Variants in PATL1 observed in about 807,000 individuals in gnomAD.
PATL1 encodes PAT1 homolog 1, processing body mRNA decay factor, also known as protein PAT1 homolog 1.
Under a neutral mutation model 100.6 loss-of-function variants are expected in PATL1, and 32 were observed. The ratio of observed to expected loss-of-function variants is 0.32; its 90% CI spans 0.24 to 0.43. The LOEUF (loss-of-function observed/expected upper bound fraction) is 0.43. Among genes scored for constraint, PATL1 ranks in the 20% least tolerant of loss-of-function variants. PATL1 has a pLI of 1.00. For missense variants in PATL1, 747 were observed against 949.9 expected (o/e 0.79, Z 2.81); for synonymous variants, 332 against 330.0 (o/e 1.01, Z -0.07).
At chr11:59,645,046 A>G (rs548006169) in intron 15 of PATL1, among the ~76,000 whole-genome samples, 16 of 140,442 alleles carry the variant, frequency 1.1e-4, no homozygotes, top group Middle Eastern at 3.6e-3. Context: ...TTTTTAATCC[A>G]TTCAACCCTG....
At chr11:59,638,503 C>G in intron 18 of PATL1, 92 bp from the exon 19 acceptor site, 6 of 1,185,320 alleles carry the variant, frequency 5.1e-6, no homozygotes, top group Non-Finnish European at 7.4e-6. Flanking sequence ...TGTAAGACTT[C>G]TCATAACAAA....
rs147151154 is a variant in PATL1, at chr11:59,664,019, C to T, written c.127+2834G>A. 1.0e-3 allele frequency among the ~76,000 whole-genome samples: 154 copies of T among 152,280 alleles called. 2 individuals are homozygous for T. Among genetic ancestry groups the T allele is most frequent in the African/African-American group, 3.0e-3 (126 of 41,554 alleles). On this transcript the variant is annotated intron_variant, in intron 2 of 18. Transcript: ENST00000300146. Reference sequence around the variant, plus strand: ...AGATCTTCACTTTACAATTCCAGTACATTACACTCTCAAGGGAAAGGGCTC... The same window carrying T: ...AGATCTTCACTTTACAATTCCAGTATATTACACTCTCAAGGGAAAGGGCTC...
At chr11:59,659,068 G>A in intron 3 of PATL1, 122 bp from the exon 4 acceptor site, 1 of 1,032,254 alleles carries the variant, frequency 9.7e-7, no homozygotes, top group Non-Finnish European at 1.4e-6. Flanking sequence ...AAATTATAGG[G>A]CTCCAGAATA....
At chr11:59,644,134 AAAC>A (rs1334238887) in intron 15 of PATL1, among the ~76,000 whole-genome samples, 23 of 152,178 alleles carry the variant, frequency 1.5e-4, no homozygotes, top group Non-Finnish European at 3.4e-4. Flanking sequence ...ATGAAAATAC[AAAC>A]AACAGCATAA....
chr11:59,646,984 CCAAGG>C (rs1861373811), intron 15 of PATL1, among the ~76,000 whole-genome samples: 1 of 152,010 alleles, frequency 6.6e-6, no homozygotes, highest in Non-Finnish European at 1.5e-5. Flanking sequence ...CTTTGGGAGG[CCAAGG>C]CAAGAGGACT....
chr11:59,668,537 C>G (rs1861725305), intron 1 of PATL1, among the ~76,000 whole-genome samples: 1 of 149,358 alleles, frequency 6.7e-6, no homozygotes, highest in Non-Finnish European at 1.5e-5. Flanking sequence ...GTGACACCTA[C>G]TTAAGAAAAG....
At chr11:59,652,027 T>C (rs1292923824) in intron 11 of PATL1, among the ~76,000 whole-genome samples, 1 of 117,634 alleles carries the variant, frequency 8.5e-6, no homozygotes, top group African/African-American at 3.3e-5. Context: ...ATGGCACCAA[T>C]GCACTCCAGC....
chr11:59,644,881 C>A (rs1861337753), intron 15 of PATL1, among the ~76,000 whole-genome samples: 1 of 115,330 alleles, frequency 8.7e-6, no homozygotes, highest in South Asian at 2.9e-4. Context: ...CATAGGGAGA[C>A]TTCGTTTCCT....
chr11:59,658,469 C>A (rs1489556440), intron 4 of PATL1, among the ~76,000 whole-genome samples: 5 of 151,994 alleles, frequency 3.3e-5, no homozygotes, highest in Non-Finnish European at 5.9e-5. Flanking sequence ...ATTACAGGTG[C>A]CCACCACCAC....
intron 14 of PATL1, among the ~76,000 whole-genome samples, 183 bp from the exon 15 acceptor site, chr11:59,648,096 CTTACAAATGTAGAAAATAATCATT>C (rs1260502394): frequency 6.6e-6 from 1 of 151,382 alleles, no homozygotes; most frequent in African/African-American, 2.4e-5. Context: ...ATTTTCAGGT[CTTACAAATGTAGAAAATAATCATT>C]TCACAAATTA....
intron 13 of PATL1, 130 bp downstream of exon 13, chr11:59,650,624 T>A (rs1861429267): frequency 1.6e-6 from 1 of 635,070 alleles, no homozygotes. Flanking sequence ...AATAGTCACT[T>A]ACCAGCAATA....
Position 59,655,658 on chromosome 11 carries a change from T to G in PATL1, c.896A>C (p.Lys299Thr). 6.2e-7 allele frequency: 1 copy of G among 1,604,208 alleles called. No individual in the cohort carries two copies. Residue 299 changes from lysine to threonine, a missense_variant, in exon 8 of 19, where the codon AAG becomes ACG. By Grantham distance (78) the Lys-to-Thr change is moderately conservative (BLOSUM62 -1). Coordinates refer to ENST00000300146, the MANE Select transcript of PATL1 (RefSeq NM_152716.3). ...CTGCCCAACTCGCCCTTGTAGCAAC[T>G]TGGGATTCATGGCAGCAAGTGGACT... The part of the protein sequence containing the change: ...VGSPLAAMNP[K>T]LLQGRVGQML...
intron 2 of PATL1, among the ~76,000 whole-genome samples, chr11:59,661,085 GTATTTT>G (rs1043104274): frequency 1.1e-4 from 16 of 152,158 alleles, no homozygotes; most frequent in South Asian, 4.1e-4. Context: ...GCTCCATTCA[GTATTTT>G]TATTTTTATT....
intron 11 of PATL1, among the ~76,000 whole-genome samples, 192 bp from the exon 12 acceptor site, chr11:59,651,833 G>C (rs950965309): frequency 2.0e-5 from 3 of 151,594 alleles, no homozygotes; most frequent in Non-Finnish European, 4.4e-5. Flanking sequence ...GGGAGGCCGA[G>C]GGGGGTAGAT....
Position 59,668,903 on chromosome 11 carries a change from G to GC in PATL1, c.-9_-8insG. The GC allele has an allele frequency of 1.1e-6, 1 of 907,310 alleles. No individual in the cohort carries two copies. The highest frequency in any genetic ancestry group is 1.6e-6 in the Non-Finnish European group (1 of 644,534). The allele number at this position is 907,310 out of a possible 1,614,324, so 56.2% of individuals were successfully genotyped here. ...CACCTCGTAGCGGAACATTCTTGGG[G>GC]AGGGGGGCAGGGAGCGGGGAGGGGA... On this transcript the variant is annotated 5_prime_UTR_variant, in exon 1 of 19. Transcript: ENST00000300146.
chr11:59,645,205 CCGA>C (rs2134740438), intron 15 of PATL1, among the ~76,000 whole-genome samples: 1 of 119,574 alleles, frequency 8.4e-6, no homozygotes, highest in South Asian at 3.0e-4. Flanking sequence ...CGGCAACCAT[CCGA>C]TTTCTCAATC....
chr11:59,652,046 C>G (rs900170450), intron 11 of PATL1, among the ~76,000 whole-genome samples: 2 of 93,114 alleles, frequency 2.1e-5, no homozygotes, highest in South Asian at 4.1e-4. Flanking sequence ...GCCTGGACAA[C>G]AGAGTAAGGC....
intron 2 of PATL1, among the ~76,000 whole-genome samples, chr11:59,664,956 T>C (rs1483957246): frequency 1.3e-5 from 2 of 152,264 alleles, no homozygotes; most frequent in Non-Finnish European, 2.9e-5. Context: ...AATTCCACTC[T>C]ACATCTCTTT....
Position 59,657,711 on chromosome 11 carries a change from A to G in PATL1, c.440T>C (p.Val147Ala). Residue 147 changes from valine to alanine, a missense_variant, in exon 5 of 19, where the codon GTG becomes GCG. By Grantham distance (64) the Val-to-Ala change is moderately conservative. Transcript: ENST00000300146. Reference protein sequence around the residue: ...GPLLAQEMPTVSVLEYALPQR... With the variant: ...GPLLAQEMPTASVLEYALPQR... ...AGGCAAAGCATATTCTAATACAGAC[A>G]CTGTAGGCATTTCCTAATTGAGGAA... is the stretch of plus-strand genomic sequence containing the variant. The G allele has an allele frequency of 1.3e-6, 2 of 1,588,238 alleles. No individual in the cohort carries two copies. The highest frequency in any genetic ancestry group is 1.7e-6 in the Non-Finnish European group (2 of 1,165,008).
Sources: gnomAD v4.1 joint callset for allele counts (sites outside exome capture counted in the v4.1 genomes callset) on GRCh38, gnomAD v4.1.1 for gene constraint, MANE v1.5 for transcripts, NCBI Gene and HGNC (gene_info 2026-07-23, HGNC 2026-07-21) for gene names.